SLC25A21: variants seen among roughly 807,000 people sequenced by gnomAD.
The protein encoded by SLC25A21 is solute carrier family 25 member 21.
SLC25A21 carries 47 observed loss-of-function variants against 43.8 expected under a neutral mutation model. The observed-to-expected ratio is 1.07, with a 90% CI of 0.85 to 1.37. The LOEUF (loss-of-function observed/expected upper bound fraction) is 1.37. Ranked by LOEUF, SLC25A21 falls within the 40% of genes most tolerant of loss-of-function variation. SLC25A21 has a pLI of 0.00. For missense variants in SLC25A21, 352 were observed against 350.2 expected (o/e 1.00, Z -0.04); for synonymous variants, 131 against 121.3 (o/e 1.08, Z -0.52).
At position 36,679,448 on chromosome 14, in the gene SLC25A21, A is replaced by T. The variant is rs537928128; in HGVS notation, c.*1210T>A. On this transcript the variant is annotated 3_prime_UTR_variant, in exon 10 of 10. Coordinates refer to ENST00000331299, the MANE Select transcript of SLC25A21 (RefSeq NM_030631.4). ...ATAGCCCACGGTAGTAACTTAGGAC[A>T]GGTGTCATATGGACTTTCAGTTATT... 5.1e-6 allele frequency: 5 copies of T among 985,394 alleles called. No individual in the cohort carries two copies. The African/African-American group carries it at 7.0e-5, about 14-fold the overall frequency. 61.0% of individuals were successfully genotyped at this position (985,394 alleles called of 1,614,324 possible). A position where few individuals can be genotyped will look rare whatever the true frequency, so the allele number is the denominator to read the frequency against.
In SLC25A21 at chr14:36,726,732, C is replaced by T. The variant is rs565737735; in HGVS notation, c.331-1055G>A. On this transcript the variant is annotated intron_variant, in intron 5 of 9. Transcript: ENST00000331299. ...ACAGAAGAACAAAATGAAATAAAGC[C>T]CCAGTCTCCAAAACAGATGCTGGAA... Among the ~76,000 whole-genome samples the T allele has an allele frequency of 5.3e-5, 8 of 152,078 alleles. No individual in the cohort carries two copies. The South Asian group carries it at 1.7e-3, about 32-fold the overall frequency.
intron 1 of SLC25A21, among the ~76,000 whole-genome samples, chr14:37,048,521 A>G (rs1417320906): frequency 2.0e-5 from 3 of 152,022 alleles, no homozygotes; most frequent in African/African-American, 7.3e-5. Flanking sequence ...AGAAAGTGGC[A>G]CCACCTAAAT....
At chr14:36,959,722 G>A (rs1197254758) in intron 1 of SLC25A21, among the ~76,000 whole-genome samples, 2 of 152,154 alleles carry the variant, frequency 1.3e-5, no homozygotes, top group East Asian at 3.8e-4. Flanking sequence ...TCCTCTGCCA[G>A]TTCCCGGTAA....
chr14:36,858,591 G>A (rs771773796), intron 2 of SLC25A21, among the ~76,000 whole-genome samples: 49 of 152,018 alleles, frequency 3.2e-4, no homozygotes, highest in Non-Finnish European at 6.2e-4. Context: ...TCTGACCCCT[G>A]ACCTCTCCCA....
At chr14:36,911,911 A>T (rs1891695891) in intron 1 of SLC25A21, among the ~76,000 whole-genome samples, 1 of 152,198 alleles carries the variant, frequency 6.6e-6, no homozygotes, top group Non-Finnish European at 1.5e-5. Context: ...GCATGCTCTT[A>T]ACCACTTTCT....
chr14:36,892,462 C>T (rs1341840970), intron 1 of SLC25A21, among the ~76,000 whole-genome samples: 3 of 151,968 alleles, frequency 2.0e-5, no homozygotes, highest in Non-Finnish European at 4.4e-5. Flanking sequence ...AGAAGGAAAT[C>T]CTGTGATTTG....
intron 1 of SLC25A21, among the ~76,000 whole-genome samples, chr14:36,971,868 G>A (rs897175320): frequency 6.6e-6 from 1 of 152,170 alleles, no homozygotes; most frequent in Non-Finnish European, 1.5e-5. Flanking sequence ...GGAAAGGCAA[G>A]TCCTGAGTCT....
intron 1 of SLC25A21, among the ~76,000 whole-genome samples, chr14:37,095,984 G>GCTAA (rs1314489612): frequency 6.6e-6 from 1 of 152,010 alleles, no homozygotes; most frequent in Non-Finnish European, 1.5e-5. Flanking sequence ...ATTGTCAGTA[G>GCTAA]CTAACTAGGA....
At chr14:36,893,547 A>G (rs1223457092) in intron 1 of SLC25A21, among the ~76,000 whole-genome samples, 1 of 152,134 alleles carries the variant, frequency 6.6e-6, no homozygotes, top group East Asian at 1.9e-4. Context: ...CTTTAGTTTA[A>G]TTAGATCCCA....
chr14:37,066,826 G>GA (rs1962071301), intron 1 of SLC25A21, among the ~76,000 whole-genome samples: 1 of 152,080 alleles, frequency 6.6e-6, no homozygotes, highest in Non-Finnish European at 1.5e-5. Context: ...AGATGTACCT[G>GA]AATAATAAGT....
intron 1 of SLC25A21, among the ~76,000 whole-genome samples, chr14:37,001,291 T>C (rs1960483481): frequency 6.6e-6 from 1 of 152,200 alleles, no homozygotes. Flanking sequence ...AAGTGCTTAT[T>C]AAATGCCAGG....
At chr14:37,057,502 A>T (rs1961856429) in intron 1 of SLC25A21, among the ~76,000 whole-genome samples, 1 of 152,212 alleles carries the variant, frequency 6.6e-6, no homozygotes. Flanking sequence ...AAGTGACTGG[A>T]TCTGAAAATC....
intron 2 of SLC25A21, among the ~76,000 whole-genome samples, chr14:36,845,749 G>A (rs1889521345): frequency 6.6e-6 from 1 of 152,114 alleles, no homozygotes; most frequent in South Asian, 2.1e-4. Context: ...CAATTAGCTG[G>A]GATTTTAGAC....
At chr14:36,971,943 A>G (rs1490310842) in intron 1 of SLC25A21, among the ~76,000 whole-genome samples, 2 of 152,166 alleles carry the variant, frequency 1.3e-5, no homozygotes, top group Non-Finnish European at 2.9e-5. Context: ...GAGGACACAA[A>G]TACTATTGGG....
chr14:37,041,447 G>C (rs916867886), intron 1 of SLC25A21, among the ~76,000 whole-genome samples: 5 of 151,928 alleles, frequency 3.3e-5, no homozygotes, highest in African/African-American at 1.2e-4. Flanking sequence ...TTGAACCCAA[G>C]AGTTCAAATC....
intron 1 of SLC25A21, among the ~76,000 whole-genome samples, chr14:36,929,434 T>C (rs1270574929): frequency 2.0e-5 from 3 of 152,208 alleles, no homozygotes; most frequent in Non-Finnish European, 4.4e-5. Flanking sequence ...TCACTGGCTA[T>C]CCCTGACTTG....
At chr14:36,984,409 A>G (rs1019518280) in intron 1 of SLC25A21, among the ~76,000 whole-genome samples, 4 of 152,320 alleles carry the variant, frequency 2.6e-5, no homozygotes, top group African/African-American at 9.6e-5. Flanking sequence ...GTTTACATTG[A>G]GAAGATGTAA....
intron 1 of SLC25A21, among the ~76,000 whole-genome samples, chr14:37,117,450 CT>C (rs1196461613): frequency 2.0e-5 from 3 of 152,100 alleles, no homozygotes; most frequent in African/African-American, 7.2e-5. Context: ...CGTAAACATA[CT>C]TTTGCATTTT....
chr14:36,776,138 G>C (rs1012339193), intron 3 of SLC25A21, among the ~76,000 whole-genome samples: 8 of 149,524 alleles, frequency 5.4e-5, no homozygotes, highest in African/African-American at 9.9e-5. Context: ...TGTACTCTTG[G>C]TACATTGTTT....
Sources: allele counts gnomAD v4.1 joint callset (sites outside exome capture counted in the v4.1 genomes callset), GRCh38; gene constraint gnomAD v4.1.1; transcripts MANE v1.5; gene names NCBI Gene and HGNC (gene_info 2026-07-23, HGNC 2026-07-21).